UGT2A1: variants seen among roughly 807,000 people sequenced by gnomAD.
The protein encoded by UGT2A1 is UDP-glucuronosyltransferase 2A1.
Under a neutral mutation model 45.4 loss-of-function variants are expected in UGT2A1, and 61 were observed. The observed-to-expected ratio is 1.34, with a 90% CI of 1.09 to 1.66. The LOEUF (loss-of-function observed/expected upper bound fraction) is 1.66, where lower values mean the gene tolerates loss of function less well. UGT2A1 is among the 40% of genes most tolerant of loss of function. UGT2A1 has a pLI of 0.00. For missense variants in UGT2A1, 649 were observed against 574.3 expected (o/e 1.13, Z -1.33); for synonymous variants, 229 against 196.2 (o/e 1.17, Z -1.40).
At position 69,594,471 on chromosome 4, in the gene UGT2A1, A is replaced by G. The variant is rs190172601; in HGVS notation, c.1304+6T>C. 13 of 1,614,068 alleles carry G rather than the reference A, an allele frequency of 8.1e-6. No individual in the cohort carries two copies. In the Admixed American group the frequency reaches 2.2e-4, roughly 27 times the overall value. On this transcript the variant is annotated splice_donor_region_variant and intron_variant, in intron 6 of 6. Transcript: ENST00000286604. ...TAGGCAAGTTTTTAGGAGCCTTAGT[A>G]CTTACGAAGGTTCATTAATGACTGT...
chr4:69,633,666 A>G (rs1477609278), intron 3 of UGT2A1, among the ~76,000 whole-genome samples: 1 of 152,238 alleles, frequency 6.6e-6, no homozygotes, highest in Non-Finnish European at 1.5e-5. Flanking sequence ...TTTCAAAAAC[A>G]TAATATTAAT....
intron 5 of UGT2A1, among the ~76,000 whole-genome samples, 193 bp downstream of exon 5, chr4:69,594,969 A>G (rs1718829582): frequency 6.6e-6 from 1 of 152,210 alleles, no homozygotes; most frequent in Admixed American, 6.5e-5. Flanking sequence ...TTAACTGAAA[A>G]TGCTCTTTTG....
rs1402478572 is a variant in UGT2A1, at chr4:69,606,343, T to C, written c.848-6949A>G. On this transcript the variant is annotated intron_variant, in intron 3 of 6. Transcript: ENST00000286604. ...AAAACCACATGATTATCTCAATAGA[T>C]GCAGAAAAGGCCTTGAAAAAATTCA... is the stretch of plus-strand genomic sequence containing the variant. Among the ~76,000 whole-genome samples the C allele has an allele frequency of 1.5e-5, 2 of 136,560 alleles. 1 individual carries two copies. Among genetic ancestry groups the C allele is most frequent in the African/African-American group, 6.0e-5 (2 of 33,550 alleles). The allele number at this position is 136,560 out of a possible 152,430, so 89.6% of individuals were successfully genotyped here. A position where few individuals can be genotyped will look rare whatever the true frequency, so the allele number is the denominator to read the frequency against.
At chr4:69,625,056 C>A (rs1720964906) in intron 3 of UGT2A1, among the ~76,000 whole-genome samples, 1 of 150,990 alleles carries the variant, frequency 6.6e-6, no homozygotes, top group East Asian at 1.9e-4. Flanking sequence ...ATTAAATTTG[C>A]TGGGAATATA....
At chr4:69,631,065 T>A (rs1405615041) in intron 3 of UGT2A1, among the ~76,000 whole-genome samples, 1 of 152,170 alleles carries the variant, frequency 6.6e-6, no homozygotes, top group Non-Finnish European at 1.5e-5. Context: ...TTTCTTAAAC[T>A]ATAACACTAC....
intron 3 of UGT2A1, among the ~76,000 whole-genome samples, chr4:69,619,968 A>G (rs1325234942): frequency 1.3e-5 from 2 of 152,046 alleles, no homozygotes; most frequent in Non-Finnish European, 2.9e-5. Context: ...TAAACTAAGC[A>G]TTGAAGAAAC....
intron 2 of UGT2A1, chr4:69,638,781 A>G: frequency 7.8e-7 from 1 of 1,277,096 alleles, no homozygotes; most frequent in Non-Finnish European, 1.1e-6. Context: ...GTACAGAGAT[A>G]TAAGAAGTCC....
At chr4:69,626,627 C>T (rs1721074298) in intron 3 of UGT2A1, among the ~76,000 whole-genome samples, 1 of 151,180 alleles carries the variant, frequency 6.6e-6, no homozygotes, top group South Asian at 2.1e-4. Flanking sequence ...CCCTTGGAAA[C>T]TAAAATGAAA....
Position 69,606,047 on chromosome 4 carries a change from G to C in UGT2A1, c.848-6653C>G, listed in dbSNP as rs530452082. Among the ~76,000 whole-genome samples, 8 of 137,034 alleles carry C rather than the reference G, an allele frequency of 5.8e-5. 3 individuals carry two copies. Among genetic ancestry groups the C allele is most frequent in the Admixed American group, 1.4e-4 (2 of 13,934 alleles). 89.9% of individuals were successfully genotyped at this position (137,034 alleles called of 152,430 possible). On this transcript the variant is annotated intron_variant, in intron 3 of 6. Transcript: ENST00000286604. ...GAAACTATTCCAAGCAATAGAAAAA[G>C]AGGGAATCCTCCTTAAATCATTTTA...
At position 69,639,525 on chromosome 4, in the gene UGT2A1, C is replaced by A. The variant is rs768786338; in HGVS notation, c.716-3703G>T. ...AATCTTAATATTTAACCAATGGCTA[C>A]CATCTGTAGGCCAAATTAACACATT... is the stretch of plus-strand genomic sequence containing the variant. On this transcript the variant is annotated intron_variant, in intron 2 of 6. Coordinates refer to ENST00000286604, the MANE Select transcript of UGT2A1 (RefSeq NM_001252275.3). 3 of 1,613,264 alleles carry A rather than the reference C, an allele frequency of 1.9e-6. No individual in the cohort carries two copies. The Admixed American group carries it at 5.0e-5, about 27-fold the overall frequency.
rs1722297872 is a variant in UGT2A1, at chr4:69,647,059, C to T, written c.586G>A (p.Val196Ile). The T allele has an allele frequency of 1.2e-6, 2 of 1,612,800 alleles. No individual in the cohort carries two copies. The highest frequency in any genetic ancestry group is 3.3e-5 in the Admixed American group (2 of 59,846). ...VPYPPSYVPAVLSELTDQMSF... is the reference protein window; with the variant it reads ...VPYPPSYVPAILSELTDQMSF... The stretch of plus-strand genomic sequence containing the variant: ...ATTTGGTCGGTGAGTTCTGATAAAA[C>T]AGCAGGAACATAGGAAGGAGGGTAT... The change falls in exon 2 of 7, where the codon GTT becomes ATT. Residue 196 changes from valine to isoleucine, a missense_variant. Val to Ile is a conservative substitution (Grantham distance 29). Coordinates refer to ENST00000286604, the MANE Select transcript of UGT2A1 (RefSeq NM_001252275.3).
At chr4:69,642,854 T>C (rs568183889) in intron 2 of UGT2A1, among the ~76,000 whole-genome samples, 6 of 151,710 alleles carry the variant, frequency 4.0e-5, no homozygotes, top group African/African-American at 1.4e-4. Flanking sequence ...AAAGTGCTGT[T>C]GGTAACAATA....
chr4:69,601,386 C>A (rs1719283010), intron 3 of UGT2A1, among the ~76,000 whole-genome samples: 1 of 152,062 alleles, frequency 6.6e-6, no homozygotes, highest in African/African-American at 2.4e-5. Flanking sequence ...CCCTTCCCCG[C>A]CCCCCGGAGT....
At chr4:69,634,112 A>G (rs890679808) in intron 3 of UGT2A1, among the ~76,000 whole-genome samples, 7 of 151,864 alleles carry the variant, frequency 4.6e-5, no homozygotes, top group Admixed American at 2.6e-4. Context: ...GGGCTTGGTG[A>G]CCGGCGCCTG....
intron 5 of UGT2A1, among the ~76,000 whole-genome samples, chr4:69,594,915 AGAT>A (rs542385718): frequency 3.3e-4 from 51 of 152,322 alleles, no homozygotes; most frequent in African/African-American, 1.2e-3. Context: ...ATTACTGAGG[AGAT>A]GATATCTGAA....
chr4:69,626,650 A>G (rs1238580759), intron 3 of UGT2A1, among the ~76,000 whole-genome samples: 1 of 141,394 alleles, frequency 7.1e-6, no homozygotes, highest in East Asian at 2.0e-4. Flanking sequence ...AGAAGATAAA[A>G]AATAAAATAC....
chr4:69,646,705 T>C (rs1000669991), intron 2 of UGT2A1, among the ~76,000 whole-genome samples: 3 of 151,836 alleles, frequency 2.0e-5, no homozygotes, highest in African/African-American at 7.2e-5. Context: ...ATTTTATCCA[T>C]AAAAGAACTG....
intron 3 of UGT2A1, among the ~76,000 whole-genome samples, chr4:69,608,703 A>G (rs1719836951): frequency 6.6e-6 from 1 of 151,956 alleles, no homozygotes; most frequent in African/African-American, 2.4e-5. Flanking sequence ...TTTTATTATC[A>G]TTATTTTTAG....
intron 3 of UGT2A1, among the ~76,000 whole-genome samples, chr4:69,626,359 A>G (rs531162324): frequency 6.6e-6 from 1 of 151,814 alleles, no homozygotes; most frequent in South Asian, 2.1e-4. Context: ...TGGCAAAAAA[A>G]AAACTATATA....
Sources: gnomAD v4.1 joint callset for allele counts (sites outside exome capture counted in the v4.1 genomes callset) on GRCh38, gnomAD v4.1.1 for gene constraint, MANE v1.5 for transcripts, NCBI Gene and HGNC (gene_info 2026-07-23, HGNC 2026-07-21) for gene names.